FTO: variants seen among roughly 807,000 people sequenced by gnomAD.
FTO encodes the protein alpha-ketoglutarate-dependent dioxygenase FTO.
A neutral mutation model predicts 63.9 loss-of-function variants in FTO; 47 were observed. The ratio of observed to expected loss-of-function variants is 0.74; its 90% confidence interval spans 0.58 to 0.94. FTO has a LOEUF of 0.94. Among genes scored for constraint, FTO ranks in the 40% least tolerant of loss-of-function variants. FTO has a pLI of 0.00. For missense variants in FTO, 562 were observed against 618.1 expected, an observed-to-expected ratio of 0.91 and a Z score of 0.96; for synonymous variants, 207 against 224.4, an observed-to-expected ratio of 0.92 and a Z score of 0.69.
rs559349878 is a variant in FTO at position 53,794,270 on chromosome 16, C to T, written c.46-15870C>T. Among the ~76,000 whole-genome samples the T allele has an allele frequency of 6.6e-5, 10 of 152,240 alleles. No individual in the cohort carries two copies. In the East Asian group the frequency reaches 9.6e-4, roughly 15 times the overall value. ...TCTTGTCAAGATGGTACTGTAAGCT[C>T]ACAGTTTGTACATACCTTCTGCTCT... On this transcript the variant is annotated intron_variant, in intron 1 of 8. Transcript: ENST00000471389.
intron 1 of FTO, among the ~76,000 whole-genome samples, chr16:53,783,604 T>TATAAAA (rs397716766): frequency 4.4e-5 from 3 of 68,130 alleles, no homozygotes; most frequent in African/African-American, 1.2e-4. Context: ...CAAGACTCCA[T>TATAAAA]AAAAAAAAAA....
At chr16:53,714,721 A>C (rs998210542) in intron 1 of FTO, among the ~76,000 whole-genome samples, 2 of 152,174 alleles carry the variant, frequency 1.3e-5, no homozygotes, top group South Asian at 2.1e-4. Flanking sequence ...TAACACTATT[A>C]ATGAGACAAT....
At chr16:54,083,315 C>T (rs1003901498) in intron 8 of FTO, among the ~76,000 whole-genome samples, 19 of 152,154 alleles carry the variant, frequency 1.2e-4, no homozygotes, top group Admixed American at 3.3e-4. Context: ...GTTGGCAACA[C>T]GCCCGCTGTT....
Position 53,816,831 on chromosome 16 carries a change from C to T in FTO, c.123+6614C>T, listed in dbSNP as rs561215085. Reference sequence around the variant, plus strand: ...TTATTTATATGCTTATTGTCTGGCTCACCTTGCTAGGACATGAGCTTCTAG... The same window carrying T: ...TTATTTATATGCTTATTGTCTGGCTTACCTTGCTAGGACATGAGCTTCTAG... On this transcript the variant is annotated intron_variant, in intron 2 of 8. Transcript: ENST00000471389. Among the ~76,000 whole-genome samples the T allele has an allele frequency of 3.0e-4, 45 of 152,302 alleles. 1 individual carries two copies. The South Asian group carries it at 9.1e-3, about 31-fold the overall frequency.
chr16:53,804,949 C>A (rs1310732816), intron 1 of FTO, among the ~76,000 whole-genome samples: 1 of 152,062 alleles, frequency 6.6e-6, no homozygotes, highest in Non-Finnish European at 1.5e-5. Flanking sequence ...TTAGATATGT[C>A]TTCCTTGCCC....
chr16:53,807,090 G>T (rs2078393682), intron 1 of FTO, among the ~76,000 whole-genome samples: 1 of 152,172 alleles, frequency 6.6e-6, no homozygotes, highest in African/African-American at 2.4e-5. Flanking sequence ...ATGTAAGCAT[G>T]ACCAAAACTT....
chr16:53,844,308 G>T lies in FTO; in HGVS notation c.895+10G>T. 1 of 1,607,338 alleles carries T rather than the reference G, an allele frequency of 6.2e-7. No homozygotes were observed. Among genetic ancestry groups the T allele is most frequent in the Non-Finnish European group, 8.5e-7 (1 of 1,174,292 alleles). On this transcript the variant is annotated intron_variant, in intron 4 of 8. Coordinates refer to ENST00000471389, the MANE Select transcript of FTO (RefSeq NM_001080432.3). ...TGCTATTTCATGCTTGGTAATCTTTGGAAAATCAAAATTATATTGAAACTC... is the reference window on the plus strand; with the variant it reads ...TGCTATTTCATGCTTGGTAATCTTTTGAAAATCAAAATTATATTGAAACTC...
At chr16:53,796,297 G>C (rs538081956) in intron 1 of FTO, among the ~76,000 whole-genome samples, 139 of 152,238 alleles carry the variant, frequency 9.1e-4, no homozygotes, top group South Asian at 1.2e-3. Flanking sequence ...GCCCGCATTG[G>C]CCTCCCAAAG....
chr16:53,789,336 G>A (rs551657933), intron 1 of FTO, among the ~76,000 whole-genome samples: 1 of 152,264 alleles, frequency 6.6e-6, no homozygotes, highest in South Asian at 2.1e-4. Context: ...TTTTCAGAGC[G>A]CTGTCATGGA....
Position 53,954,970 on chromosome 16 carries a change from C to T in FTO, c.1364+20861C>T, listed in dbSNP as rs191854169. Among the ~76,000 whole-genome samples, 15 of 152,226 alleles carry T rather than the reference C, an allele frequency of 9.9e-5. No individual in the cohort carries two copies. The East Asian group carries it at 2.9e-3, about 30-fold the overall frequency. ...TCATTCCCAACTCTTTGGTGGACCT[C>T]TATTTTTAGAGCAGAAACCTAATTT... On this transcript the variant is annotated intron_variant, in intron 8 of 8. Transcript: ENST00000471389.
chr16:54,047,835 C>A (rs1599268474), intron 8 of FTO, among the ~76,000 whole-genome samples: 1 of 13,536 alleles, frequency 7.4e-5, no homozygotes, highest in Non-Finnish European at 1.2e-4. Flanking sequence ...AATTGGAAAC[C>A]ATCATTCTCA....
At chr16:54,081,437 G>T (rs1599334643) in intron 8 of FTO, among the ~76,000 whole-genome samples, 1 of 152,114 alleles carries the variant, frequency 6.6e-6, no homozygotes, top group Non-Finnish European at 1.5e-5. Flanking sequence ...ATGAAATCCA[G>T]CCTGACACCC....
At chr16:53,760,995 T>A (rs567940665) in intron 1 of FTO, among the ~76,000 whole-genome samples, 1 of 76,330 alleles carries the variant, frequency 1.3e-5, no homozygotes, top group South Asian at 3.5e-4. Context: ...CCTTTTCTTT[T>A]TTCTTTTCTT....
chr16:53,869,779 G>A lies in FTO; in HGVS notation c.896-4007G>A, dbSNP rs1038603822. Among the ~76,000 whole-genome samples the A allele has an allele frequency of 5.9e-5, 9 of 152,104 alleles. No individual in the cohort carries two copies. In the East Asian group the frequency reaches 1.2e-3, roughly 20 times the overall value. ...CCATCAGTTCTTGCATGTCGTCTACGTTGTCCTTTAGGGTCCTTAGAATAG... is the reference window on the plus strand; with the variant it reads ...CCATCAGTTCTTGCATGTCGTCTACATTGTCCTTTAGGGTCCTTAGAATAG... On this transcript the variant is annotated intron_variant, in intron 4 of 8. Transcript: ENST00000471389.
chr16:53,833,534 TCCG>T (rs1250659862), intron 3 of FTO, among the ~76,000 whole-genome samples: 3 of 152,264 alleles, frequency 2.0e-5, no homozygotes, highest in Admixed American at 1.3e-4. Context: ...TGTGGGAATC[TCCG>T]CTTTCAGTAC....
chr16:53,944,281 C>A (rs1287537906), intron 8 of FTO, among the ~76,000 whole-genome samples: 1 of 152,108 alleles, frequency 6.6e-6, no homozygotes, highest in African/African-American at 2.4e-5. Context: ...CATAGAAACC[C>A]ACATCCCAGG....
intron 8 of FTO, among the ~76,000 whole-genome samples, chr16:54,061,469 T>C (rs1256195940): frequency 6.6e-6 from 1 of 152,186 alleles, no homozygotes; most frequent in Non-Finnish European, 1.5e-5. Context: ...GGGCAGGTGT[T>C]TTCTAAATTG....
At chr16:53,717,275 T>C (rs566137184) in intron 1 of FTO, among the ~76,000 whole-genome samples, 2 of 152,230 alleles carry the variant, frequency 1.3e-5, no homozygotes, top group Middle Eastern at 3.4e-3. Flanking sequence ...TGCTTATTGG[T>C]ACATCCACTC....
At chr16:53,952,887 A>G (rs2082831921) in intron 8 of FTO, among the ~76,000 whole-genome samples, 1 of 152,174 alleles carries the variant, frequency 6.6e-6, no homozygotes, top group Admixed American at 6.5e-5. Context: ...TGTCTTTCTC[A>G]TTTGATATTT....
Sources: allele counts gnomAD v4.1 joint callset (sites outside exome capture counted in the v4.1 genomes callset), GRCh38; gene constraint gnomAD v4.1.1; transcripts MANE v1.5; gene names NCBI Gene and HGNC (gene_info 2026-07-23, HGNC 2026-07-21).